ARHGEF10: variants seen among roughly 807,000 people sequenced by gnomAD.
ARHGEF10 encodes the protein Rho guanine nucleotide exchange factor 10.
ARHGEF10 carries 140 observed loss-of-function variants against 147.4 expected under a neutral mutation model. That is an observed-to-expected ratio of 0.95 (90% confidence interval 0.83 to 1.09). The LOEUF (loss-of-function observed/expected upper bound fraction) is 1.09, where lower values mean the gene tolerates loss of function less well. Ranked by LOEUF, ARHGEF10 falls within the 50% of genes least tolerant of loss-of-function variation. The pLI is 0.00. For missense variants in ARHGEF10, 2,222 were observed against 1,752.7 expected (o/e 1.27, Z -4.78); for synonymous variants, 902 against 695.8 (o/e 1.30, Z -4.67).
rs1811178302 is a variant in ARHGEF10 at position 1,909,394 on chromosome 8, A to G, written c.2067A>G (p.Ala689=). 6.2e-7 allele frequency: 1 copy of G among 1,614,020 alleles called. No homozygotes were observed. Among genetic ancestry groups the G allele is most frequent in the Non-Finnish European group, 8.5e-7 (1 of 1,180,048 alleles). ...ACGCCATCGAGTATGGCAGCAGCGC[A>G]GGCACGGGCGAGCACAGCAGGCACC... is the stretch of plus-strand genomic sequence containing the variant. The part of the protein sequence containing the change: ...HVDAIEYGSS[A]GTGEHSRHLA... Residue 689 remains alanine (A), a synonymous_variant, in exon 18 of 29, where the codon GCA becomes GCG. Coordinates refer to ENST00000349830, the MANE Select transcript of ARHGEF10 (RefSeq NM_014629.4).
chr8:1,873,661 G>T (rs1219302070), intron 7 of ARHGEF10, among the ~76,000 whole-genome samples: 1 of 147,020 alleles, frequency 6.8e-6, no homozygotes, highest in African/African-American at 2.5e-5. Context: ...GGTGCCGCGG[G>T]GTAGTGCACC....
intron 3 of ARHGEF10, 98 bp from the exon 4 acceptor site, chr8:1,859,799 G>A: frequency 1.4e-6 from 2 of 1,443,320 alleles, no homozygotes; most frequent in Non-Finnish European, 9.6e-7. Context: ...TGGGATGATG[G>A]TGGGAGCTCA....
chr8:1,905,373 G>A (rs960370005), intron 16 of ARHGEF10, among the ~76,000 whole-genome samples, 198 bp from the exon 17 acceptor site: 3 of 152,126 alleles, frequency 2.0e-5, no homozygotes, highest in South Asian at 2.1e-4. Flanking sequence ...TGTTTAAATC[G>A]CGGGAGGGCC....
At chr8:1,848,713 T>A (rs1284266644) in intron 2 of ARHGEF10, among the ~76,000 whole-genome samples, 2 of 152,234 alleles carry the variant, frequency 1.3e-5, no homozygotes, top group African/African-American at 4.8e-5. Flanking sequence ...AAGAAAATAC[T>A]TCACCTCTGG....
In ARHGEF10 at chr8:1,903,779, A is replaced by G. The variant is rs1317256737; in HGVS notation, c.1821+328A>G. The G allele has an allele frequency of 1.3e-4, 52 of 389,628 alleles. No individual in the cohort carries two copies. In the Admixed American group the frequency reaches 2.1e-3, roughly 16 times the overall value. The allele number at this position is 389,628 out of a possible 1,614,324, so 24.1% of individuals were successfully genotyped here. On this transcript the variant is annotated intron_variant, in intron 16 of 28. Coordinates refer to ENST00000349830, the MANE Select transcript of ARHGEF10 (RefSeq NM_014629.4). ...TTTCAAAATAACGGTATTTAATTTC[A>G]GATAGTAATAGTTAAAGCTGAAAAT...
Position 1,937,357 on chromosome 8 carries a change from C to T in ARHGEF10, c.3222+3415C>T, listed in dbSNP as rs186156234. Among the ~76,000 whole-genome samples the T allele has an allele frequency of 1.5e-4, 23 of 152,216 alleles. No homozygotes were observed. The highest frequency in any genetic ancestry group is 4.6e-4 in the African/African-American group (19 of 41,534). ...ATCAGTACAGCCATCCTAGTAATTGCGTATTTACAGAGGGAGCTCAGCCAT... is the reference window on the plus strand; with the variant it reads ...ATCAGTACAGCCATCCTAGTAATTGTGTATTTACAGAGGGAGCTCAGCCAT... On this transcript the variant is annotated intron_variant, in intron 26 of 28. Coordinates refer to ENST00000349830, the MANE Select transcript of ARHGEF10 (RefSeq NM_014629.4). The surrounding 1 kb of genome is among the most constrained non-coding windows in gnomAD (Gnocchi z 4.9).
chr8:1,938,134 C>G (rs2129250322), intron 26 of ARHGEF10, among the ~76,000 whole-genome samples: 1 of 152,338 alleles, frequency 6.6e-6, no homozygotes, highest in Middle Eastern at 3.4e-3. Context: ...TCACAGTCAC[C>G]TGGATGCTTT....
rs1228064763 is a variant in ARHGEF10, at chr8:1,889,139, G to A, written c.1182+3432G>A. On this transcript the variant is annotated intron_variant, in intron 11 of 28. Transcript: ENST00000349830. ...GGTCTGTGAGGAGACACTGTGAGTG[G>A]GGTGAGGGTTGTGAGGAGACGCTGA... Among the ~76,000 whole-genome samples the A allele has an allele frequency of 9.3e-5, 10 of 107,460 alleles. 2 individuals carry two copies. The highest frequency in any genetic ancestry group is 3.3e-4 in the African/African-American group (9 of 27,130). The allele number at this position is 107,460 out of a possible 152,430, so 70.5% of individuals were successfully genotyped here. A position where few individuals can be genotyped will look rare whatever the true frequency, so the allele number is the denominator to read the frequency against.
At chr8:1,895,509 T>C (rs1809897610) in intron 13 of ARHGEF10, among the ~76,000 whole-genome samples, 1 of 152,204 alleles carries the variant, frequency 6.6e-6, no homozygotes, top group Admixed American at 6.5e-5. Context: ...ATTTGCATAA[T>C]ACCGTTTATG....
chr8:1,825,937 G>T, intron 1 of ARHGEF10: 1 of 630,714 alleles, frequency 1.6e-6, no homozygotes, highest in Non-Finnish European at 2.8e-6. Flanking sequence ...AATATGTTTT[G>T]AACACCTGCT....
chr8:1,832,101 A>C (rs886546057), intron 1 of ARHGEF10, among the ~76,000 whole-genome samples: 1 of 152,066 alleles, frequency 6.6e-6, no homozygotes, highest in African/African-American at 2.4e-5. Context: ...GGTTTAGTCC[A>C]CCCAGGGGGT....
intron 13 of ARHGEF10, among the ~76,000 whole-genome samples, chr8:1,895,896 C>G (rs554859243): frequency 1.3e-5 from 2 of 152,100 alleles, no homozygotes; most frequent in Admixed American, 6.5e-5. Flanking sequence ...CAGGATCAGC[C>G]CCCGCCCCCA....
At position 1,846,160 on chromosome 8, in the gene ARHGEF10, G is replaced by A. The variant is rs572344018; in HGVS notation, c.37+2724G>A. 3.1e-4 allele frequency among the ~76,000 whole-genome samples: 47 copies of A among 152,340 alleles called. No homozygotes were observed. In the South Asian group the frequency reaches 3.9e-3, roughly 13 times the overall value. ...AGACCCTGGCGGGAGCCCGGGAGCC[G>A]CGGAGGGGCTGAGGAGCCGCCCAGC... On this transcript the variant is annotated intron_variant, in intron 2 of 28. Transcript: ENST00000349830.
At chr8:1,924,073 T>G (rs1812501093) in intron 21 of ARHGEF10, among the ~76,000 whole-genome samples, 199 bp downstream of exon 21, 1 of 152,188 alleles carries the variant, frequency 6.6e-6, no homozygotes, top group Non-Finnish European at 1.5e-5. Flanking sequence ...GGATCGCATA[T>G]TAAAATGGAG....
intron 14 of ARHGEF10, among the ~76,000 whole-genome samples, chr8:1,898,121 G>C (rs540105750): frequency 6.6e-6 from 1 of 152,236 alleles, no homozygotes; most frequent in East Asian, 1.9e-4. Context: ...CCTTTTCTGG[G>C]GGCCCACTAT....
chr8:1,917,193 G>T (rs901170898), intron 18 of ARHGEF10, among the ~76,000 whole-genome samples: 23 of 152,218 alleles, frequency 1.5e-4, no homozygotes, highest in African/African-American at 5.3e-4. Context: ...TCCTCTTTTA[G>T]ACTCCTGATG....
At chr8:1,955,487 A>G (rs12115019) in intron 28 of ARHGEF10, among the ~76,000 whole-genome samples, 2,731 of 85,734 alleles carry the variant, frequency 0.032, 4 homozygotes, top group African/African-American at 0.085. Context: ...CCTGAAAGGA[A>G]GTGCACTCTC....
intron 4 of ARHGEF10, among the ~76,000 whole-genome samples, chr8:1,863,291 C>T (rs569026798): frequency 6.6e-6 from 1 of 152,322 alleles, no homozygotes; most frequent in Non-Finnish European, 1.5e-5. Flanking sequence ...CATCTCGTGT[C>T]TGTTGCTAGT....
At chr8:1,954,490 A>G (rs753163310) in intron 28 of ARHGEF10, among the ~76,000 whole-genome samples, 75 of 152,116 alleles carry the variant, frequency 4.9e-4, no homozygotes, top group Non-Finnish European at 8.2e-4. Flanking sequence ...AAAATCCAAA[A>G]CACTTGTGGT....
Sources: allele counts gnomAD v4.1 joint callset (sites outside exome capture counted in the v4.1 genomes callset), GRCh38; gene constraint gnomAD v4.1.1; non-coding constraint Gnocchi (gnomAD v3.1); transcripts MANE v1.5; gene names NCBI Gene and HGNC (gene_info 2026-07-23, HGNC 2026-07-21).